The following CLYBL variants were observed in gnomAD, a reference collection of about 807,000 sequenced individuals.
The protein encoded by CLYBL is citramalyl-CoA lyase, also known as citramalyl-CoA lyase, mitochondrial.
CLYBL carries 31 observed loss-of-function variants against 38.9 expected under a neutral mutation model. That is an observed-to-expected ratio of 0.80 (90% CI 0.60 to 1.08). The LOEUF (loss-of-function observed/expected upper bound fraction) is 1.08. CLYBL is among the 50% of genes least tolerant of loss of function. The probability of loss-of-function intolerance (pLI) is 0.00; values close to 1 mark genes in which losing one functional copy is unlikely to be tolerated. For synonymous variants in CLYBL, 171 were observed against 158.6 expected, an observed-to-expected ratio of 1.08 and a Z score of -0.59; for missense variants, 434 against 411.6, an observed-to-expected ratio of 1.05 and a Z score of -0.47.
intron 2 of CLYBL, among the ~76,000 whole-genome samples, chr13:99,799,136 G>A (rs1270875957): frequency 1.3e-5 from 2 of 152,094 alleles, no homozygotes; most frequent in Admixed American, 1.3e-4. Flanking sequence ...GTGGAGGCTG[G>A]GCAGTAAGCT....
chr13:99,847,829 T>C (rs933688304), intron 2 of CLYBL, among the ~76,000 whole-genome samples: 2 of 152,226 alleles, frequency 1.3e-5, no homozygotes, highest in Non-Finnish European at 2.9e-5. Context: ...TTCTCAGAGA[T>C]ACTTCTCAAC....
chr13:99,704,394 C>T (rs193125684), intron 1 of CLYBL, among the ~76,000 whole-genome samples: 3 of 152,312 alleles, frequency 2.0e-5, no homozygotes, highest in Admixed American at 6.5e-5. Flanking sequence ...GTCCTCAGAA[C>T]ATTTGAAGTC....
chr13:99,816,923 G>C (rs1395182274), intron 2 of CLYBL, among the ~76,000 whole-genome samples: 1 of 152,248 alleles, frequency 6.6e-6, no homozygotes, highest in Non-Finnish European at 1.5e-5. Context: ...TGGGGAGCCT[G>C]AACGTGCGCT....
At chr13:99,770,462 C>T (rs374563841) in intron 1 of CLYBL, among the ~76,000 whole-genome samples, 28 of 151,734 alleles carry the variant, frequency 1.8e-4, no homozygotes, top group Non-Finnish European at 3.4e-4. Flanking sequence ...GGACTACAGG[C>T]GCCCGCCACC....
At chr13:99,838,341 A>C (rs1186258704) in intron 2 of CLYBL, among the ~76,000 whole-genome samples, 1 of 152,130 alleles carries the variant, frequency 6.6e-6, no homozygotes, top group Non-Finnish European at 1.5e-5. Context: ...TGTTTGGAGG[A>C]GGGGGGTTCT....
intron 1 of CLYBL, among the ~76,000 whole-genome samples, chr13:99,682,921 G>GA (rs1198871894): frequency 6.6e-6 from 1 of 151,866 alleles, no homozygotes; most frequent in Non-Finnish European, 1.5e-5. Context: ...ATTTTCAGTA[G>GA]AGACGGGGGT....
chr13:99,740,956 A>C (rs1328681053), intron 1 of CLYBL, among the ~76,000 whole-genome samples: 1 of 152,228 alleles, frequency 6.6e-6, no homozygotes, highest in Non-Finnish European at 1.5e-5. Context: ...GAAAGTAAAG[A>C]AATATGATAT....
chr13:99,652,031 G>A (rs1461425282), intron 1 of CLYBL, among the ~76,000 whole-genome samples: 1 of 152,196 alleles, frequency 6.6e-6, no homozygotes, highest in Non-Finnish European at 1.5e-5. Flanking sequence ...TCACACCGTC[G>A]GTGGAAAGCA....
intron 1 of CLYBL, among the ~76,000 whole-genome samples, chr13:99,691,626 T>A (rs1566611315): frequency 2.0e-5 from 3 of 151,824 alleles, no homozygotes; most frequent in Non-Finnish European, 2.9e-5. Context: ...AAACCAGCAC[T>A]AGGGTACCAG....
At chr13:99,753,012 T>C (rs1008500483) in intron 1 of CLYBL, among the ~76,000 whole-genome samples, 1 of 151,890 alleles carries the variant, frequency 6.6e-6, no homozygotes, top group Non-Finnish European at 1.5e-5. Flanking sequence ...GGAGGGGGCA[T>C]GGGGAAGGTC....
chr13:99,895,198 G>A (rs1317598856), downstream of CLYBL: 1 of 151,924 alleles, frequency 6.6e-6, no homozygotes, highest in East Asian at 1.9e-4. Flanking sequence ...TTTCTTCATT[G>A]GGGACATTGT....
intron 6 of CLYBL, among the ~76,000 whole-genome samples, chr13:99,866,841 T>A (rs1234281021): frequency 6.6e-6 from 1 of 152,156 alleles, no homozygotes; most frequent in East Asian, 1.9e-4. Context: ...TTGGTTTTTG[T>A]TTTGTTTTTT....
In CLYBL at chr13:99,843,604, C is replaced by CT. The variant is rs60365803; in HGVS notation, c.250-15242dup. Among the ~76,000 whole-genome samples the CT allele has an allele frequency of 9.6e-3, 1,373 of 142,824 alleles. 23 individuals are homozygous for CT. Among genetic ancestry groups the CT allele is most frequent in the African/African-American group, 0.032 (1,240 of 38,590 alleles). The allele number at this position is 142,824 out of a possible 152,430, so 93.7% of individuals were successfully genotyped here. ...GGCAAACAGCTGGGGAAAAATTAAT[C>CT]TTTTTTTTTTTTTTTAAGACAGAGC... On this transcript the variant is annotated intron_variant, in intron 2 of 8. Transcript: ENST00000339105.
intron 1 of CLYBL, among the ~76,000 whole-genome samples, chr13:99,627,978 G>A (rs566802536): frequency 6.6e-6 from 1 of 152,146 alleles, no homozygotes; most frequent in Non-Finnish European, 1.5e-5. Context: ...GCAGCCCACT[G>A]GTGCTGTATT....
chr13:99,866,563 G>A (rs1379060630), intron 6 of CLYBL, among the ~76,000 whole-genome samples, 156 bp downstream of exon 6: 4 of 151,804 alleles, frequency 2.6e-5, no homozygotes, highest in Non-Finnish European at 4.4e-5. Flanking sequence ...GAACTTGCCA[G>A]ACACATTGTC....
intron 1 of CLYBL, among the ~76,000 whole-genome samples, chr13:99,763,596 C>T (rs1485824185): frequency 6.7e-6 from 1 of 149,216 alleles, no homozygotes; most frequent in Non-Finnish European, 1.5e-5. Context: ...CTCTTGTTGC[C>T]CAGGCTGTAG....
In CLYBL at chr13:99,736,530, G is replaced by A. The variant is rs142690245; in HGVS notation, c.63-36294G>A. On this transcript the variant is annotated intron_variant, in intron 1 of 8. Transcript: ENST00000339105. ...TTTGAAGAGCTAATATTTATGCCTG[G>A]GAATCCTCTACCTGCATGAAATCGG... Among the ~76,000 whole-genome samples, 405 of 152,018 alleles carry A rather than the reference G, an allele frequency of 2.7e-3. 4 individuals are homozygous for A. The highest frequency in any genetic ancestry group is 9.3e-3 in the African/African-American group (386 of 41,450).
intron 1 of CLYBL, among the ~76,000 whole-genome samples, chr13:99,770,612 C>G (rs1416608955): frequency 6.7e-6 from 1 of 149,852 alleles, no homozygotes; most frequent in Non-Finnish European, 1.5e-5. Context: ...CCACCGCGCC[C>G]GGTCTGGTCT....
At chr13:99,700,568 T>C (rs1283071618) in intron 1 of CLYBL, among the ~76,000 whole-genome samples, 1 of 152,190 alleles carries the variant, frequency 6.6e-6, no homozygotes. Context: ...GTGTTTGTGA[T>C]GGGAAGTCTG....
Sources: gnomAD v4.1 joint callset for allele counts (sites outside exome capture counted in the v4.1 genomes callset) on GRCh38, gnomAD v4.1.1 for gene constraint, MANE v1.5 for transcripts, NCBI Gene and HGNC (gene_info 2026-07-23, HGNC 2026-07-21) for gene names.